Variants in HK1 observed in about 807,000 individuals in gnomAD.
HK1 encodes hexokinase 1.
Under a neutral mutation model 91.6 loss-of-function variants are expected in HK1, and 28 were observed. That is an observed-to-expected ratio of 0.31 (90% CI 0.23 to 0.42). The LOEUF is 0.42. Ranked by LOEUF, HK1 falls within the 10% of genes least tolerant of loss-of-function variation. HK1 has a pLI of 1.00. For missense variants in HK1, 770 were observed against 1,219.8 expected (o/e 0.63, Z 5.49); for synonymous variants, 430 against 468.1 (o/e 0.92, Z 1.05).
chr10:69,304,554 C>G (rs1239672022), intron 5 of HK1, among the ~76,000 whole-genome samples: 1 of 152,154 alleles, frequency 6.6e-6, no homozygotes, highest in Non-Finnish European at 1.5e-5. Flanking sequence ...GTGATCCGCT[C>G]GCCTTGGCCT....
At chr10:69,321,801 A>G (rs951019025) in intron 1 of HK1, among the ~76,000 whole-genome samples, 18 of 152,180 alleles carry the variant, frequency 1.2e-4, no homozygotes, top group African/African-American at 4.1e-4. Context: ...TTGGAACCCC[A>G]TTATCCAGAC....
chr10:69,285,108 C>G (rs1386520173), intron 2 of HK1, among the ~76,000 whole-genome samples: 2 of 152,070 alleles, frequency 1.3e-5, no homozygotes, highest in Non-Finnish European at 2.9e-5. Flanking sequence ...CATGTGCCAC[C>G]GCACCCAGCC....
rs149531762 is a variant in HK1 at position 69,398,673 on chromosome 10, C to T, written c.2454C>T (p.Leu818=). 5.3e-5 allele frequency: 86 copies of T among 1,614,046 alleles called. No individual in the cohort carries two copies. In the Middle Eastern group the frequency reaches 6.6e-4, roughly 12 times the overall value. ...GLNSTCDDSI[L]VKTVCGVVSR... ...ATAGCACCTGCGATGACAGTATCCT[C>T]GTCAAGACAGTGTGCGGGGTGGTGT... The change falls in exon 17 of 18, where the codon CTC becomes CTT. Residue 818 remains leucine (L), a synonymous_variant. Coordinates refer to ENST00000359426, the MANE Select transcript of HK1 (RefSeq NM_000188.3).
At chr10:69,318,399 C>T (rs578064385), upstream of HK1, among the ~76,000 whole-genome samples, 100 of 152,306 alleles carry the variant, frequency 6.6e-4, 1 homozygote, top group Admixed American at 3.4e-3. Context: ...CCCTCATTTC[C>T]GAGGAATGGG....
chr10:69,382,365 A>G (rs1296109291), intron 9 of HK1, 122 bp from the exon 10 acceptor site: 3 of 1,044,166 alleles, frequency 2.9e-6, no homozygotes, highest in South Asian at 1.3e-5. Context: ...ACAGAGCAAG[A>G]CCCTGTCTCA....
rs113893857 is a variant in HK1, at chr10:69,382,647, C to T, written c.1426C>T (p.His476Tyr). 4 of 1,614,190 alleles carry T rather than the reference C, an allele frequency of 2.5e-6. No individual in the cohort carries two copies. Among genetic ancestry groups the T allele is most frequent in the Non-Finnish European group, 3.4e-6 (4 of 1,180,032 alleles). Residue 476 changes from histidine (H) to tyrosine (Y), a missense_variant, in exon 10 of 18, where the codon CAT becomes TAT. This residue lies in a region of HK1 where 449 missense variants were observed against 665.1 expected (regional missense o/e 0.68). Coordinates refer to ENST00000359426, the MANE Select transcript of HK1 (RefSeq NM_000188.3). ...CCGGCAGATAGAGGAGACCCTGGCT[C>T]ATTTCCACCTCACCAAGGACATGCT... ...QHRQIEETLA[H>Y]FHLTKDMLLE...
intron 2 of HK1, among the ~76,000 whole-genome samples, chr10:69,350,002 T>A (rs1294670130): frequency 6.6e-6 from 1 of 152,188 alleles, no homozygotes; most frequent in Non-Finnish European, 1.5e-5. Flanking sequence ...TTGGCTTCAT[T>A]CATAGGCCAT....
chr10:69,309,223 C>T (rs1203710936), intron 5 of HK1, among the ~76,000 whole-genome samples: 3 of 150,700 alleles, frequency 2.0e-5, no homozygotes, highest in Non-Finnish European at 4.4e-5. Context: ...GCTCTGTCCC[C>T]TAGGCTGAAG....
chr10:69,318,126 G>A (rs1235278500), upstream of HK1: 5 of 985,416 alleles, frequency 5.1e-6, no homozygotes, highest in Non-Finnish European at 6.0e-6. Flanking sequence ...CTGGTGACTC[G>A]GGGGCGGGTG....
At position 69,386,367 on chromosome 10, in the gene HK1, C is replaced by T. The variant is rs201425600; in HGVS notation, c.1884C>T (p.Cys628=). Residue 628 remains cysteine (C), a synonymous_variant, in exon 13 of 18, where the codon TGC becomes TGT. Transcript: ENST00000359426. ...TWTKGFKATD[C]VGHDVVTLLR... ...CAAAGGGTTTTAAGGCAACAGACTGCGTGGGCCACGATGTAGTCACCTTAC... is the reference window on the plus strand; with the variant it reads ...CAAAGGGTTTTAAGGCAACAGACTGTGTGGGCCACGATGTAGTCACCTTAC... 208 of 1,613,920 alleles carry T rather than the reference C, an allele frequency of 1.3e-4. 1 individual carries two copies. In the East Asian group the frequency reaches 3.5e-3, roughly 27 times the overall value.
chr10:69,384,776 T>A lies in HK1; in HGVS notation c.1720-20T>A. 2 of 1,614,136 alleles carry A rather than the reference T, an allele frequency of 1.2e-6. No homozygotes were observed. The highest frequency in any genetic ancestry group is 1.7e-6 in the Non-Finnish European group (2 of 1,179,994). On this transcript the variant is annotated intron_variant, in intron 11 of 17. Transcript: ENST00000359426. ...TTAAAACCACAGAGAGCACGGGCGA[T>A]CCTTTCTTTTCCCCTGCAGCTGTTT...
At chr10:69,319,986 A>C (rs1846912881) in intron 1 of HK1, among the ~76,000 whole-genome samples, 1 of 152,132 alleles carries the variant, frequency 6.6e-6, no homozygotes, top group Non-Finnish European at 1.5e-5. Flanking sequence ...TGGACTGGCA[A>C]AGTCATCTTG....
chr10:69,320,995 A>T (rs1282036972), intron 1 of HK1, among the ~76,000 whole-genome samples: 2 of 151,950 alleles, frequency 1.3e-5, no homozygotes, highest in Non-Finnish European at 2.9e-5. Flanking sequence ...TGGGATTCTG[A>T]TGTTCTTCCC....
chr10:69,304,676 A>G (rs1846028385), intron 5 of HK1, among the ~76,000 whole-genome samples: 1 of 152,216 alleles, frequency 6.6e-6, no homozygotes, highest in Non-Finnish European at 1.5e-5. Context: ...GGGAATGAAC[A>G]AGGACAGCTT....
chr10:69,353,618 CAAAAA>C (rs71471542), intron 2 of HK1, among the ~76,000 whole-genome samples: 4 of 116,716 alleles, frequency 3.4e-5, no homozygotes, highest in Non-Finnish European at 1.8e-5. Context: ...CAAACAAAAC[CAAAAA>C]AAAAAAAAAA....
upstream of HK1, chr10:69,315,986 G>A (rs781267453): frequency 6.2e-7 from 1 of 1,614,220 alleles, no homozygotes; most frequent in East Asian, 2.2e-5. Flanking sequence ...AGTTTGCCCT[G>A]TCGAGGTGCT....
intron 5 of HK1, among the ~76,000 whole-genome samples, chr10:69,307,683 G>GT (rs1236714928): frequency 2.0e-5 from 3 of 152,050 alleles, no homozygotes; most frequent in African/African-American, 7.2e-5. Flanking sequence ...CCACCTCATT[G>GT]TGTTGTTTTA....
At chr10:69,287,356 C>A (rs1003175504) in intron 2 of HK1, among the ~76,000 whole-genome samples, 1 of 152,162 alleles carries the variant, frequency 6.6e-6, no homozygotes, top group African/African-American at 2.4e-5. Context: ...GGGGGGGAAC[C>A]GCCCCCATGA....
intron 15 of HK1, among the ~76,000 whole-genome samples, chr10:69,394,271 T>C (rs1306319159): frequency 6.6e-6 from 1 of 152,250 alleles, no homozygotes; most frequent in East Asian, 1.9e-4. Flanking sequence ...CAGTGTGTTG[T>C]GGTCACTGAA....
Sources: allele counts gnomAD v4.1 joint callset (sites outside exome capture counted in the v4.1 genomes callset), GRCh38; gene constraint gnomAD v4.1.1; regional missense constraint gnomAD v4.1.1; transcripts MANE v1.5; gene names NCBI Gene and HGNC (gene_info 2026-07-23, HGNC 2026-07-21).